The following NALF1 variants were observed in gnomAD, a reference collection of about 807,000 sequenced individuals.
The protein encoded by NALF1 is NALCN channel auxiliary factor 1.
In NALF1, 3 loss-of-function variants were observed where a neutral mutation model predicts 48.4. The observed-to-expected ratio is 0.06, with a 90% confidence interval of 0.03 to 0.16. The LOEUF is 0.16. Ranked by LOEUF, NALF1 falls within the 10% of genes least tolerant of loss-of-function variation. The pLI is 1.00. For synonymous variants in NALF1, 262 were observed against 245.7 expected (o/e 1.07, Z -0.62); for missense variants, 526 against 571.5 (o/e 0.92, Z 0.81).
intron 1 of NALF1, among the ~76,000 whole-genome samples, chr13:107,493,978 GAC>G: frequency 6.6e-6 from 1 of 152,200 alleles, no homozygotes; most frequent in East Asian, 1.9e-4. Context: ...CTGTGCAGAA[GAC>G]ATTGTTTTCA....
intron 1 of NALF1, among the ~76,000 whole-genome samples, chr13:107,338,127 G>A (rs943537567): frequency 1.3e-5 from 2 of 152,088 alleles, no homozygotes; most frequent in African/African-American, 2.4e-5. Flanking sequence ...TTAATGAAAC[G>A]CAGTATAATC....
chr13:107,673,805 A>G (rs1328740251), intron 1 of NALF1, among the ~76,000 whole-genome samples: 1 of 152,142 alleles, frequency 6.6e-6, no homozygotes, highest in Non-Finnish European at 1.5e-5. Context: ...TATAATTACT[A>G]TGTGTCAAAA....
At chr13:107,719,975 C>T (rs1875935541) in intron 1 of NALF1, among the ~76,000 whole-genome samples, 1 of 152,066 alleles carries the variant, frequency 6.6e-6, no homozygotes, top group Non-Finnish European at 1.5e-5. Context: ...TCTCTCTTTG[C>T]TTGGAATGCC....
chr13:107,367,380 C>T (rs367797084), intron 1 of NALF1, among the ~76,000 whole-genome samples: 4 of 152,286 alleles, frequency 2.6e-5, no homozygotes, highest in South Asian at 2.1e-4. Flanking sequence ...ATTAGACTGA[C>T]CTGAATGTGG....
At chr13:107,538,931 C>A (rs115154048) in intron 1 of NALF1, among the ~76,000 whole-genome samples, 3 of 152,046 alleles carry the variant, frequency 2.0e-5, no homozygotes, top group Non-Finnish European at 2.9e-5. Context: ...AGTACCCATT[C>A]TTATTATAAT....
intron 1 of NALF1, among the ~76,000 whole-genome samples, chr13:107,450,472 T>C (rs748321028): frequency 1.4e-4 from 21 of 152,142 alleles, no homozygotes; most frequent in South Asian, 2.1e-4. Flanking sequence ...GTTTTTGCAG[T>C]GGGGTTCAAG....
intron 1 of NALF1, among the ~76,000 whole-genome samples, chr13:107,728,222 C>T (rs768838272): frequency 9.9e-5 from 15 of 152,184 alleles, no homozygotes; most frequent in Non-Finnish European, 1.8e-4. Flanking sequence ...TCTATAAAGA[C>T]ACATGCCCAT....
At chr13:107,281,856 T>G (rs987711987) in intron 1 of NALF1, among the ~76,000 whole-genome samples, 1 of 152,146 alleles carries the variant, frequency 6.6e-6, no homozygotes, top group African/African-American at 2.4e-5. Context: ...CAAACACTTA[T>G]AAAACCGTCA....
intron 1 of NALF1, among the ~76,000 whole-genome samples, chr13:107,641,344 A>G (rs1880150001): frequency 6.6e-6 from 1 of 152,214 alleles, no homozygotes; most frequent in Non-Finnish European, 1.5e-5. Context: ...TCAACAGCAC[A>G]GTAGAGAGAC....
At chr13:107,291,622 T>C (rs1881622817) in intron 1 of NALF1, among the ~76,000 whole-genome samples, 1 of 152,192 alleles carries the variant, frequency 6.6e-6, no homozygotes, top group Non-Finnish European at 1.5e-5. Context: ...CCAGATACTT[T>C]GGATAAGGGA....
chr13:107,593,665 C>T (rs1878659569), intron 1 of NALF1, among the ~76,000 whole-genome samples: 1 of 151,858 alleles, frequency 6.6e-6, no homozygotes, highest in Non-Finnish European at 1.5e-5. Flanking sequence ...GTTTGGGGCA[C>T]ATACATCATT....
chr13:107,217,538 T>C (rs1333823212), intron 1 of NALF1, among the ~76,000 whole-genome samples: 1 of 152,168 alleles, frequency 6.6e-6, no homozygotes, highest in Non-Finnish European at 1.5e-5. Context: ...TGCTGATCTC[T>C]CTCTCTCTTT....
At chr13:107,516,427 C>A in intron 1 of NALF1, among the ~76,000 whole-genome samples, 1 of 152,134 alleles carries the variant, frequency 6.6e-6, no homozygotes, top group East Asian at 1.9e-4. Context: ...AGGAAGTTGA[C>A]TTTAAATATA....
Position 107,647,849 on chromosome 13 carries a change from G to C in NALF1, c.915+217833C>G, listed in dbSNP as rs180699765. Among the ~76,000 whole-genome samples, 92 of 152,150 alleles carry C rather than the reference G, an allele frequency of 6.0e-4. 1 individual carries two copies. The highest frequency in any genetic ancestry group is 2.1e-3 in the African/African-American group (89 of 41,518). On this transcript the variant is annotated intron_variant, in intron 1 of 2. Transcript: ENST00000375915. ...AGCCATTGAGCTTCTTCACATATTTGAAATGGGGGAATATATGTTATTTCA... is the reference window on the plus strand; with the variant it reads ...AGCCATTGAGCTTCTTCACATATTTCAAATGGGGGAATATATGTTATTTCA...
chr13:107,806,672 A>C (rs1448818320), intron 1 of NALF1, among the ~76,000 whole-genome samples: 1 of 152,180 alleles, frequency 6.6e-6, no homozygotes, highest in Non-Finnish European at 1.5e-5. Flanking sequence ...AAGTCACTCC[A>C]TAATCCCTGA....
intron 1 of NALF1, among the ~76,000 whole-genome samples, chr13:107,528,585 C>T (rs762424446): frequency 5.9e-5 from 9 of 152,046 alleles, no homozygotes; most frequent in East Asian, 3.9e-4. Context: ...GTCAAGCATC[C>T]GGCAGGCATC....
At chr13:107,749,059 A>T (rs1385536525) in intron 1 of NALF1, among the ~76,000 whole-genome samples, 2 of 152,076 alleles carry the variant, frequency 1.3e-5, no homozygotes, top group African/African-American at 4.8e-5. Flanking sequence ...TTCCTGAAAG[A>T]TGTTCCTTGG....
At chr13:107,639,701 A>T (rs973817031) in intron 1 of NALF1, among the ~76,000 whole-genome samples, 2 of 152,106 alleles carry the variant, frequency 1.3e-5, no homozygotes, top group African/African-American at 4.8e-5. Flanking sequence ...GCACTAAACA[A>T]ACACTGACAA....
At chr13:107,596,126 C>A (rs548204043) in intron 1 of NALF1, among the ~76,000 whole-genome samples, 1 of 152,238 alleles carries the variant, frequency 6.6e-6, no homozygotes, top group South Asian at 2.1e-4. Context: ...GGCACCTCAA[C>A]AAATACAAAG....
Sources: gnomAD v4.1 joint callset for allele counts (sites outside exome capture counted in the v4.1 genomes callset) on GRCh38, gnomAD v4.1.1 for gene constraint, MANE v1.5 for transcripts, NCBI Gene and HGNC (gene_info 2026-07-23, HGNC 2026-07-21) for gene names.